NAALADL2: variants seen among roughly 807,000 people sequenced by gnomAD.
NAALADL2 encodes inactive N-acetylated-alpha-linked acidic dipeptidase-like protein 2.
A neutral mutation model predicts 87.2 loss-of-function variants in NAALADL2; 76 were observed. The ratio of observed to expected loss-of-function variants is 0.87; its 90% CI spans 0.72 to 1.05. The LOEUF (loss-of-function observed/expected upper bound fraction) is 1.05. Among genes scored for constraint, NAALADL2 ranks in the 50% least tolerant of loss-of-function variants. The probability of loss-of-function intolerance (pLI) is 0.00; values close to 1 mark genes in which losing one functional copy is unlikely to be tolerated. For synonymous variants in NAALADL2, 354 were observed against 331.0 expected, an observed-to-expected ratio of 1.07 and a Z score of -0.75; for missense variants, 1,089 against 945.8, an observed-to-expected ratio of 1.15 and a Z score of -1.99.
intron 1 of NAALADL2, among the ~76,000 whole-genome samples, chr3:174,985,416 A>G (rs1251555263): frequency 6.6e-6 from 1 of 152,158 alleles, no homozygotes; most frequent in Non-Finnish European, 1.5e-5. Context: ...CTATCAATGT[A>G]TCTCTGTTTC....
chr3:175,423,103 A>T (rs984270437), intron 5 of NAALADL2, among the ~76,000 whole-genome samples: 1 of 144,936 alleles, frequency 6.9e-6, no homozygotes, highest in African/African-American at 2.5e-5. Context: ...TTTAGCTTTT[A>T]AAAAGATTTG....
chr3:174,638,491 A>G (rs1352269757), intron 2 of NAALADL2, among the ~76,000 whole-genome samples: 1 of 152,218 alleles, frequency 6.6e-6, no homozygotes, highest in Non-Finnish European at 1.5e-5. Context: ...ATGTCAGTCA[A>G]GGATGAAGTA....
At chr3:175,142,897 T>A (rs1178548638) in intron 2 of NAALADL2, among the ~76,000 whole-genome samples, 2 of 152,042 alleles carry the variant, frequency 1.3e-5, no homozygotes, top group Admixed American at 1.3e-4. Flanking sequence ...GATATTTTTG[T>A]ACTTTCTGTC....
intron 2 of NAALADL2, among the ~76,000 whole-genome samples, chr3:175,160,628 A>G (rs1435535198): frequency 6.6e-6 from 1 of 151,906 alleles, no homozygotes; most frequent in Non-Finnish European, 1.5e-5. Flanking sequence ...CTGGGATTAC[A>G]GGCGTGAGCC....
At chr3:174,995,782 T>C (rs1033202082) in intron 1 of NAALADL2, among the ~76,000 whole-genome samples, 12 of 145,996 alleles carry the variant, frequency 8.2e-5, no homozygotes, top group Non-Finnish European at 3.0e-5. Context: ...TTTACGCTAT[T>C]ACTGAAAAAA....
intron 2 of NAALADL2, among the ~76,000 whole-genome samples, chr3:175,228,519 A>G (rs1395509866): frequency 6.6e-6 from 1 of 151,954 alleles, no homozygotes; most frequent in Non-Finnish European, 1.5e-5. Flanking sequence ...CAAGGAAAAA[A>G]AAAAAGTACT....
chr3:174,567,759 T>C (rs1446991438), intron 2 of NAALADL2, among the ~76,000 whole-genome samples: 1 of 151,626 alleles, frequency 6.6e-6, no homozygotes. Context: ...TTAATGTAAG[T>C]ATTAAATGGA....
intron 2 of NAALADL2, among the ~76,000 whole-genome samples, chr3:175,099,036 T>A (rs991149059): frequency 6.6e-6 from 1 of 152,090 alleles, no homozygotes; most frequent in Non-Finnish European, 1.5e-5. Context: ...AGGAACTTCA[T>A]AACATGCATT....
chr3:175,271,660 C>T (rs890076932), intron 4 of NAALADL2, among the ~76,000 whole-genome samples: 7 of 152,176 alleles, frequency 4.6e-5, no homozygotes, highest in Admixed American at 3.3e-4. Context: ...GGTGTGGTGG[C>T]GCACGCCTGT....
At chr3:174,765,950 C>A (rs1258396985) in intron 3 of NAALADL2, among the ~76,000 whole-genome samples, 1 of 152,136 alleles carries the variant, frequency 6.6e-6, no homozygotes, top group African/African-American at 2.4e-5. Context: ...GAGTGATACA[C>A]ACAAAACCCT....
At chr3:174,761,593 T>G (rs1391196775) in intron 3 of NAALADL2, among the ~76,000 whole-genome samples, 2 of 152,126 alleles carry the variant, frequency 1.3e-5, no homozygotes, top group African/African-American at 2.4e-5. Flanking sequence ...GGCACAAAAG[T>G]TTTTGCAATT....
At chr3:175,346,222 T>C (rs772938099) in intron 5 of NAALADL2, among the ~76,000 whole-genome samples, 2 of 152,128 alleles carry the variant, frequency 1.3e-5, no homozygotes, top group African/African-American at 2.4e-5. Context: ...CTTCTGAAAT[T>C]CTGCCACACA....
intron 2 of NAALADL2, among the ~76,000 whole-genome samples, chr3:175,203,946 G>C (rs890348958): frequency 6.6e-6 from 1 of 152,092 alleles, no homozygotes; most frequent in African/African-American, 2.4e-5. Flanking sequence ...GATTGAAATG[G>C]TAATTTAAAA....
intron 1 of NAALADL2, among the ~76,000 whole-genome samples, chr3:175,087,144 A>G (rs1386398757): frequency 6.6e-6 from 1 of 152,264 alleles, no homozygotes; most frequent in Non-Finnish European, 1.5e-5. Context: ...AAAGAATAGC[A>G]AAATCTTGCA....
intron 9 of NAALADL2, among the ~76,000 whole-genome samples, chr3:175,476,585 A>C (rs1328874658): frequency 6.6e-6 from 1 of 152,156 alleles, no homozygotes; most frequent in Non-Finnish European, 1.5e-5. Flanking sequence ...CAAACAAAAA[A>C]CAGTATTTCT....
At chr3:175,639,602 G>C (rs1030274002) in intron 11 of NAALADL2, among the ~76,000 whole-genome samples, 1 of 152,062 alleles carries the variant, frequency 6.6e-6, no homozygotes, top group Non-Finnish European at 1.5e-5. Context: ...TTACAGACGT[G>C]AGTGTTATTC....
chr3:174,551,869 G>A (rs1245709594), intron 2 of NAALADL2, among the ~76,000 whole-genome samples: 1 of 152,160 alleles, frequency 6.6e-6, no homozygotes, highest in Non-Finnish European at 1.5e-5. Context: ...TATTTTGAAA[G>A]GCTGATGTGG....
chr3:175,282,412 C>T (rs1454349040), intron 4 of NAALADL2, among the ~76,000 whole-genome samples: 1 of 152,080 alleles, frequency 6.6e-6, no homozygotes, highest in Non-Finnish European at 1.5e-5. Context: ...AATCCTGTGA[C>T]ATCAGCTGCT....
chr3:174,923,819 G>A (rs1193965921), intron 1 of NAALADL2, among the ~76,000 whole-genome samples: 3 of 152,054 alleles, frequency 2.0e-5, no homozygotes, highest in African/African-American at 4.8e-5. Context: ...GGTTTTGCTG[G>A]TATGGCACTG....
Sources: allele counts gnomAD v4.1 joint callset (sites outside exome capture counted in the v4.1 genomes callset), GRCh38; gene constraint gnomAD v4.1.1; transcripts MANE v1.5; gene names NCBI Gene and HGNC (gene_info 2026-07-23, HGNC 2026-07-21).